Variants in ERC2 observed in about 807,000 individuals in gnomAD.
ERC2 encodes the protein ERC protein 2.
ERC2 carries 42 observed loss-of-function variants against 114.8 expected under a neutral mutation model. The ratio of observed to expected loss-of-function variants is 0.37; its 90% CI spans 0.29 to 0.47. The LOEUF (loss-of-function observed/expected upper bound fraction) is 0.47. Ranked by LOEUF, ERC2 falls within the 20% of genes least tolerant of loss-of-function variation. ERC2 has a pLI of 0.99. For missense variants in ERC2, 939 were observed against 1,150.7 expected (o/e 0.82, Z 2.66); for synonymous variants, 454 against 425.5 (o/e 1.07, Z -0.82).
chr3:56,033,300 A>G (rs1335079167), intron 7 of ERC2, among the ~76,000 whole-genome samples: 1 of 152,202 alleles, frequency 6.6e-6, no homozygotes, highest in Admixed American at 6.5e-5. Context: ...AAACTATTGT[A>G]GCTATAGTTA....
At chr3:55,921,710 T>C (rs991179013) in intron 13 of ERC2, among the ~76,000 whole-genome samples, 2 of 152,150 alleles carry the variant, frequency 1.3e-5, no homozygotes, top group African/African-American at 4.8e-5. Context: ...ATAGGAGATT[T>C]AAATATGAAT....
chr3:56,440,349 C>G (rs1055267994), intron 1 of ERC2, among the ~76,000 whole-genome samples: 1 of 152,114 alleles, frequency 6.6e-6, no homozygotes, highest in Non-Finnish European at 1.5e-5. Context: ...CGAGACCATC[C>G]TGGCTAACAC....
Position 56,084,491 on chromosome 3 carries a change from T to C in ERC2, c.1474-3507A>G, listed in dbSNP as rs138163418. Among the ~76,000 whole-genome samples the C allele has an allele frequency of 2.9e-3, 442 of 152,246 alleles. 3 individuals carry two copies. The highest frequency in any genetic ancestry group is 9.1e-3 in the African/African-American group (377 of 41,552). On this transcript the variant is annotated intron_variant, in intron 6 of 17. Coordinates refer to ENST00000288221, the MANE Select transcript of ERC2 (RefSeq NM_015576.3). ...CAAAGAATAAGTAGATAAGAGTAGA[T>C]AAAGTATGATAACAAATAAGATATA...
rs34357962 is a variant in ERC2, at chr3:56,229,862, C to CTTTTTTTTTTT, written c.1075-56353_1075-56343dup. On this transcript the variant is annotated intron_variant, in intron 3 of 17. Transcript: ENST00000288221. ...TTTTCTCCTTTGGCAAATATCTAGT[C>CTTTTTTTTTTT]TTTTTTTTTTTTTTTTTTTTTTTTT... 4.4e-4 allele frequency among the ~76,000 whole-genome samples: 25 copies of CTTTTTTTTTTT among 56,636 alleles called. 5 individuals are homozygous for CTTTTTTTTTTT. Among genetic ancestry groups the CTTTTTTTTTTT allele is most frequent in the Non-Finnish European group, 5.8e-4 (18 of 30,884 alleles). 37.2% of individuals were successfully genotyped at this position (56,636 alleles called of 152,430 possible). A position where few individuals can be genotyped will look rare whatever the true frequency, so the allele number is the denominator to read the frequency against.
chr3:56,003,183 G>A (rs142607324), intron 10 of ERC2: 1 of 1,261,574 alleles, frequency 7.9e-7, no homozygotes, highest in South Asian at 1.3e-5. Flanking sequence ...GGGAAAGAAG[G>A]AAAGATCCAG....
intron 2 of ERC2, among the ~76,000 whole-genome samples, chr3:56,433,583 G>C (rs1030117541): frequency 6.6e-6 from 1 of 152,240 alleles, no homozygotes; most frequent in Non-Finnish European, 1.5e-5. Flanking sequence ...TAGTAGAAGT[G>C]CTATGGGCTC....
intron 1 of ERC2, among the ~76,000 whole-genome samples, chr3:56,457,484 C>T (rs2063115914): frequency 6.6e-6 from 1 of 152,144 alleles, no homozygotes; most frequent in Non-Finnish European, 1.5e-5. Flanking sequence ...CACACTCCCA[C>T]AAGCATCAAA....
At chr3:55,964,772 C>G (rs776060783) in intron 12 of ERC2, among the ~76,000 whole-genome samples, 1 of 152,148 alleles carries the variant, frequency 6.6e-6, no homozygotes, top group African/African-American at 2.4e-5. Context: ...CAGGCTTAAC[C>G]GGGGAATAAT....
chr3:55,610,506 A>AAAACAC (rs1553723008), intron 17 of ERC2: 2 of 137,238 alleles, frequency 1.5e-5, no homozygotes, highest in Non-Finnish European at 3.1e-5. Flanking sequence ...TCTACGGAAA[A>AAAACAC]ACACACACAC....
In ERC2 at chr3:56,460,847, G is replaced by C. The variant is rs185639418; in HGVS notation, c.-141+7401C>G. Among the ~76,000 whole-genome samples, 184 of 152,078 alleles carry C rather than the reference G, an allele frequency of 1.2e-3. 1 individual carries two copies. The South Asian group carries it at 0.029, about 24-fold the overall frequency. The stretch of plus-strand genomic sequence containing the variant: ...TGAAAAAGCAACATGGCGGCCTAGC[G>C]TGGTGGCTCACGCCTGTAATCCTAG... On this transcript the variant is annotated intron_variant, in intron 1 of 17. Transcript: ENST00000288221.
intron 14 of ERC2, among the ~76,000 whole-genome samples, chr3:55,802,668 A>T (rs1413782301): frequency 6.6e-6 from 1 of 152,258 alleles, no homozygotes; most frequent in Non-Finnish European, 1.5e-5. Flanking sequence ...AATACTCAGT[A>T]TATAAACACA....
intron 1 of ERC2, among the ~76,000 whole-genome samples, chr3:56,435,494 C>T (rs1442510849): frequency 6.6e-6 from 1 of 152,152 alleles, no homozygotes; most frequent in East Asian, 1.9e-4. Flanking sequence ...CATGGAATTG[C>T]CCATCATGGA....
intron 3 of ERC2, among the ~76,000 whole-genome samples, chr3:56,271,311 T>C (rs2053639934): frequency 6.6e-6 from 1 of 152,174 alleles, no homozygotes; most frequent in Admixed American, 6.5e-5. Context: ...ACAGGAGCAA[T>C]GACATCCACG....
intron 2 of ERC2, among the ~76,000 whole-genome samples, chr3:56,343,365 C>T (rs913392943): frequency 4.6e-5 from 7 of 151,850 alleles, no homozygotes; most frequent in Admixed American, 6.6e-5. Flanking sequence ...AGCACTTAAT[C>T]GATAATTATC....
intron 14 of ERC2, among the ~76,000 whole-genome samples, chr3:55,751,063 A>G (rs574894821): frequency 6.6e-6 from 1 of 152,336 alleles, no homozygotes; most frequent in South Asian, 2.1e-4. Context: ...CATGACTTCC[A>G]CGGTCTGGAA....
At chr3:55,691,556 AAAAAAAAAAAAAAAAAAAT>A (rs1463734744) in intron 16 of ERC2, among the ~76,000 whole-genome samples, 4 of 30,846 alleles carry the variant, frequency 1.3e-4, no homozygotes, top group Non-Finnish European at 2.9e-4. Flanking sequence ...AAAAAAAAAA[AAAAAAAAAAAAAAAAAAAT>A]ATATATATAT....
intron 14 of ERC2, among the ~76,000 whole-genome samples, chr3:55,752,144 C>T (rs1205433829): frequency 1.3e-5 from 2 of 152,116 alleles, no homozygotes; most frequent in Non-Finnish European, 2.9e-5. Context: ...CTGTTAGCCC[C>T]ACCTAGGTCA....
At chr3:55,732,943 CA>C (rs752254291) in intron 15 of ERC2, among the ~76,000 whole-genome samples, 3 of 149,708 alleles carry the variant, frequency 2.0e-5, no homozygotes, top group Non-Finnish European at 4.5e-5. Context: ...TATGCACCCC[CA>C]CCCCCAATGA....
In ERC2 at chr3:56,047,111, G is replaced by A. The variant is rs75025137; in HGVS notation, c.1642-28080C>T. Among the ~76,000 whole-genome samples, 383 of 152,236 alleles carry A rather than the reference G, an allele frequency of 2.5e-3. 2 individuals are homozygous for A. The highest frequency in any genetic ancestry group is 8.1e-3 in the African/African-American group (335 of 41,550). ...AGGAGGCTAGTCTTGTTCTGAAATCGGATATTTAAAGAAGCAATCTGCTTT... is the reference window on the plus strand; with the variant it reads ...AGGAGGCTAGTCTTGTTCTGAAATCAGATATTTAAAGAAGCAATCTGCTTT... On this transcript the variant is annotated intron_variant, in intron 7 of 17. Coordinates refer to ENST00000288221, the MANE Select transcript of ERC2 (RefSeq NM_015576.3).
Sources: gnomAD v4.1 joint callset for allele counts (sites outside exome capture counted in the v4.1 genomes callset) on GRCh38, gnomAD v4.1.1 for gene constraint, MANE v1.5 for transcripts, NCBI Gene and HGNC (gene_info 2026-07-23, HGNC 2026-07-21) for gene names.